PCYT1B: variants seen among roughly 807,000 people sequenced by gnomAD.
The protein encoded by PCYT1B is phosphate cytidylyltransferase 1B, choline, also known as choline-phosphate cytidylyltransferase B.
PCYT1B carries 10 observed loss-of-function variants against 26.4 expected under a neutral mutation model. The ratio of observed to expected loss-of-function variants is 0.38; its 90% CI spans 0.23 to 0.64. The LOEUF is 0.64. Ranked by LOEUF, PCYT1B falls within the 30% of genes least tolerant of loss-of-function variation. The probability of loss-of-function intolerance (pLI) is 0.56; values close to 1 mark genes in which losing one functional copy is unlikely to be tolerated. For synonymous variants in PCYT1B, 131 were observed against 108.4 expected, an observed-to-expected ratio of 1.21 and a Z score of -1.29; for missense variants, 161 against 292.7, an observed-to-expected ratio of 0.55 and a Z score of 3.28.
chrX:24,622,117 C>G (rs1461730639), intron 1 of PCYT1B, among the ~76,000 whole-genome samples: 1 of 111,877 alleles, frequency 8.9e-6, no homozygotes, highest in Non-Finnish European at 1.9e-5. Context: ...TGGAGAAGAG[C>G]TATTTCTTGT....
chrX:24,647,140 A>T lies in PCYT1B; in HGVS notation c.-35T>A, dbSNP rs1218079867. On this transcript the variant is annotated 5_prime_UTR_variant, in exon 1 of 8. Transcript: ENST00000379144. ...ATGCTCCCTCTAGCTCTACACCCTCAGAGAGTCTCCTCCCAGGCAGAGAAT... is the reference window on the plus strand; with the variant it reads ...ATGCTCCCTCTAGCTCTACACCCTCTGAGAGTCTCCTCCCAGGCAGAGAAT... 8.3e-7 allele frequency: 1 copy of T among 1,202,261 alleles called. No homozygotes were observed. Among genetic ancestry groups the T allele is most frequent in the East Asian group, 3.0e-5 (1 of 33,543 alleles).
At chrX:24,630,911 C>G (rs1926060570) in intron 1 of PCYT1B, among the ~76,000 whole-genome samples, 2 of 111,083 alleles carry the variant, frequency 1.8e-5, no homozygotes, top group South Asian at 7.8e-4. Flanking sequence ...ACAGAAAGTC[C>G]TGTTTTTGTT....
intron 7 of PCYT1B, among the ~76,000 whole-genome samples, chrX:24,565,459 G>A (rs939099323): frequency 9.0e-6 from 1 of 110,698 alleles, no homozygotes; most frequent in Non-Finnish European, 1.9e-5. Context: ...AGGAAGAGGT[G>A]GGTGGAGATG....
intron 1 of PCYT1B, among the ~76,000 whole-genome samples, chrX:24,625,817 G>A (rs1925866492): frequency 1.9e-5 from 2 of 104,802 alleles, no homozygotes; most frequent in South Asian, 4.7e-4. Flanking sequence ...AGGTAATTGT[G>A]TAGAAATAGT....
chrX:24,672,508 A>G (rs922725216), intron 1 of PCYT1B: 1 of 876,712 alleles, frequency 1.1e-6, no homozygotes, highest in Admixed American at 2.3e-5. Flanking sequence ...ATAGGACTTT[A>G]CTTTTTGAAC....
chrX:24,610,957 T>C (rs191389837), intron 2 of PCYT1B, among the ~76,000 whole-genome samples: 1 of 112,557 alleles, frequency 8.9e-6, no homozygotes, highest in African/African-American at 3.2e-5. Context: ...AAACAAGCTA[T>C]ATATAAATGA....
At chrX:24,634,755 A>AAACAAC (rs201350770) in intron 1 of PCYT1B, among the ~76,000 whole-genome samples, 7 of 107,805 alleles carry the variant, frequency 6.5e-5, no homozygotes, top group East Asian at 3.0e-4. Context: ...AAAAACAAAC[A>AAACAAC]AACAACAACA....
chrX:24,584,979 G>T (rs1390461680), intron 5 of PCYT1B, among the ~76,000 whole-genome samples: 1 of 112,013 alleles, frequency 8.9e-6, no homozygotes, highest in Non-Finnish European at 1.9e-5. Flanking sequence ...AAGAACCAGA[G>T]GCTGAGTAGA....
chrX:24,626,362 T>C (rs1003286704), intron 1 of PCYT1B, among the ~76,000 whole-genome samples: 3 of 112,140 alleles, frequency 2.7e-5, no homozygotes, highest in East Asian at 5.6e-4. Flanking sequence ...TGGACAGCAC[T>C]GGACTTGAAT....
At chrX:24,583,749 T>C (rs1924277404) in intron 5 of PCYT1B, among the ~76,000 whole-genome samples, 1 of 111,841 alleles carries the variant, frequency 8.9e-6, no homozygotes, top group South Asian at 3.8e-4. Flanking sequence ...CAGGAAACAC[T>C]GATTCAAGAA....
At position 24,558,290 on chromosome X, in the gene PCYT1B, G is replaced by GC. The variant is rs1923239669; in HGVS notation, c.*4002dup. The GC allele has an allele frequency of 8.9e-6, 1 of 112,130 alleles. No individual in the cohort carries two copies. The highest frequency in any genetic ancestry group is 3.3e-5 in the African/African-American group (1 of 30,741). 9.2% of individuals were successfully genotyped at this position (112,130 alleles called of 1,213,427 possible). A position where few individuals can be genotyped will look rare whatever the true frequency, so the allele number is the denominator to read the frequency against. ...AGACAGGTCTTGTCTTATATGTACA[G>GC]CATAGTCTTAAGTATGTATGCTCTA... On this transcript the variant is annotated 3_prime_UTR_variant, in exon 8 of 8. Transcript: ENST00000379144.
At chrX:24,656,338 C>T (rs1449692794) in intron 1 of PCYT1B, among the ~76,000 whole-genome samples, 1 of 107,424 alleles carries the variant, frequency 9.3e-6, no homozygotes, top group East Asian at 2.9e-4. Flanking sequence ...AAATGACCTT[C>T]ACTCATCAAT....
At chrX:24,598,610 T>C (rs888631179) in intron 3 of PCYT1B, among the ~76,000 whole-genome samples, 14 of 111,619 alleles carry the variant, frequency 1.3e-4, no homozygotes, top group Admixed American at 6.7e-4. Flanking sequence ...ATGTATAAAT[T>C]ACATTGCATT....
At chrX:24,643,229 G>A (rs931428086) in intron 1 of PCYT1B, among the ~76,000 whole-genome samples, 2 of 111,073 alleles carry the variant, frequency 1.8e-5, no homozygotes, top group African/African-American at 6.5e-5. Context: ...TGAGGGCTGG[G>A]AAGATATGAG....
At chrX:24,618,919 G>A (rs962298328) in intron 2 of PCYT1B, 66 bp downstream of exon 2, 9 of 722,154 alleles carry the variant, frequency 1.2e-5, no homozygotes, top group African/African-American at 4.3e-5. Flanking sequence ...CACCACGCCC[G>A]GCCCCTTTCT....
At chrX:24,565,463 G>A (rs1195001202) in intron 7 of PCYT1B, among the ~76,000 whole-genome samples, 1 of 110,605 alleles carries the variant, frequency 9.0e-6, no homozygotes, top group African/African-American at 3.3e-5. Context: ...AGAGGTGGGT[G>A]GAGATGGGGA....
rs1205595180 is a variant in PCYT1B at position 24,661,589 on chromosome X, A to G, written c.63+10981T>C. Among the ~76,000 whole-genome samples the G allele has an allele frequency of 5.4e-5, 6 of 112,101 alleles. No individual in the cohort carries two copies. In the Admixed American group the frequency reaches 5.7e-4, roughly 11 times the overall value. Reference sequence around the variant, plus strand: ...GAGGCCAATTTACAGGAAATACAGAAGGGATAAAGGAGTATGTTAACACCA... The same window carrying G: ...GAGGCCAATTTACAGGAAATACAGAGGGGATAAAGGAGTATGTTAACACCA... On this transcript the variant is annotated intron_variant, in intron 1 of 7. Transcript: ENST00000379145.
rs1925206772 is a variant in PCYT1B, at chrX:24,608,458, C to A, written c.218-597G>T. On this transcript the variant is annotated intron_variant, in intron 2 of 7. Transcript: ENST00000379144. ...CAGCTGTTAAACCTTTACTAGCATA[C>A]CACTGCAAGGCCACTCCCTAACCTC... Among the ~76,000 whole-genome samples the A allele has an allele frequency of 2.7e-5, 3 of 111,790 alleles. No homozygotes were observed. In the South Asian group the frequency reaches 1.1e-3, roughly 42 times the overall value.
chrX:24,667,760 T>C (rs1927158435), intron 1 of PCYT1B, among the ~76,000 whole-genome samples: 1 of 111,270 alleles, frequency 9.0e-6, no homozygotes. Context: ...TCCCTTTAAG[T>C]GGCTTTTAAA....
Sources: gnomAD v4.1 joint callset for allele counts (sites outside exome capture counted in the v4.1 genomes callset) on GRCh38, gnomAD v4.1.1 for gene constraint, MANE v1.5 for transcripts, NCBI Gene and HGNC (gene_info 2026-07-23, HGNC 2026-07-21) for gene names.